NUP37: variants seen among roughly 807,000 people sequenced by gnomAD.
NUP37 encodes nucleoporin Nup37.
Under a neutral mutation model 45.4 loss-of-function variants are expected in NUP37, and 33 were observed. That is an observed-to-expected ratio of 0.73 (90% CI 0.55 to 0.97). NUP37 has a LOEUF of 0.97. Ranked by LOEUF, NUP37 falls within the 50% of genes least tolerant of loss-of-function variation. NUP37 has a pLI of 0.00. For missense variants in NUP37, 365 were observed against 389.7 expected (o/e 0.94, Z 0.53); for synonymous variants, 127 against 130.7 (o/e 0.97, Z 0.19).
rs756251468 is a variant in NUP37 at position 102,078,432 on chromosome 12, TTTAAG to T, written c.541-934_541-930del. Reference sequence around the variant, plus strand: ...ACAATTCCTTCTGGGAAAAGTTACTTTTAAGTTATGTTAGTTATATTGTCTAGAAA... The same window carrying T: ...ACAATTCCTTCTGGGAAAAGTTACTTTTATGTTAGTTATATTGTCTAGAAA... On this transcript the variant is annotated intron_variant, in intron 6 of 9. Transcript: ENST00000552283. Among the ~76,000 whole-genome samples the T allele has an allele frequency of 2.2e-3, 332 of 152,334 alleles. 2 individuals carry two copies. Among genetic ancestry groups the T allele is most frequent in the Non-Finnish European group, 3.9e-3 (262 of 68,028 alleles).
chr12:102,074,854 G>C (rs369240438), intron 9 of NUP37, 147 bp downstream of exon 9: 31 of 460,806 alleles, frequency 6.7e-5, no homozygotes, highest in African/African-American at 5.3e-4. Flanking sequence ...AAAAACAAAT[G>C]AACCACCTTT....
chr12:102,076,812 C>T lies in NUP37; in HGVS notation c.758G>A (p.Arg253Gln), dbSNP rs761810674. The part of the protein sequence containing the change: ...PQNKRPVHMD[R>Q]ACLFRWSTIS... ...GGTACATTACCTGAATAAGCAGGCT[C>T]GATCCATGTGAACAGGTCTCTTATT... Residue 253 changes from arginine to glutamine, a missense_variant, in exon 8 of 10, where the codon CGA becomes CAA. Physicochemically the swap from Arg to Gln is conservative, Grantham distance 43. Coordinates refer to ENST00000552283, the MANE Select transcript of NUP37 (RefSeq NM_024057.4). 12 of 1,613,332 alleles carry T rather than the reference C, an allele frequency of 7.4e-6. No homozygotes were observed. The highest frequency in any genetic ancestry group is 1.6e-4 in the Middle Eastern group (1 of 6,082).
In NUP37 at chr12:102,118,594, G is replaced by C. The variant is rs1880561006; in HGVS notation, c.-65-11C>G. On this transcript the variant is annotated splice_polypyrimidine_tract_variant and intron_variant, in intron 1 of 9. Transcript: ENST00000552283. The stretch of plus-strand genomic sequence containing the variant: ...GACAAGGTCACGAAACTGTGGATTA[G>C]AGCACAGGTACAATTACAATGGTCA... The C allele has an allele frequency of 7.6e-7, 1 of 1,316,324 alleles. No homozygotes were observed. Among genetic ancestry groups the C allele is most frequent in the Admixed American group, 2.2e-5 (1 of 46,132 alleles). 81.5% of individuals were successfully genotyped at this position (1,316,324 alleles called of 1,614,324 possible). A position where few individuals can be genotyped will look rare whatever the true frequency, so the allele number is the denominator to read the frequency against.
At position 102,120,079 on chromosome 12, in the gene NUP37, G is replaced by A. The variant is rs1215289882; in HGVS notation, c.-95C>T. 1.9e-5 allele frequency: 3 copies of A among 159,808 alleles called. No homozygotes were observed. The highest frequency in any genetic ancestry group is 6.3e-5 in the Admixed American group (1 of 15,850). 9.9% of individuals were successfully genotyped at this position (159,808 alleles called of 1,614,324 possible). A position where few individuals can be genotyped will look rare whatever the true frequency, so the allele number is the denominator to read the frequency against. ...GAGCGCCAGGAACCGACCAGAGGCAGGCTGGTCTTCCTTGGGGGCTGCCGC... is the reference window on the plus strand; with the variant it reads ...GAGCGCCAGGAACCGACCAGAGGCAAGCTGGTCTTCCTTGGGGGCTGCCGC... On this transcript the variant is annotated 5_prime_UTR_variant, in exon 1 of 10. Coordinates refer to ENST00000552283, the MANE Select transcript of NUP37 (RefSeq NM_024057.4).
At chr12:102,091,693 T>C (rs1461837284) in intron 5 of NUP37, among the ~76,000 whole-genome samples, 2 of 152,056 alleles carry the variant, frequency 1.3e-5, no homozygotes, top group African/African-American at 2.4e-5. Context: ...GGGCACTGGG[T>C]AAGTAAAGCA....
intron 2 of NUP37, among the ~76,000 whole-genome samples, chr12:102,115,631 A>G (rs979865195): frequency 6.6e-6 from 1 of 152,226 alleles, no homozygotes; most frequent in Non-Finnish European, 1.5e-5. Context: ...ACCAGTTAAC[A>G]GTACTATCAT....
chr12:102,114,579 A>G (rs761490591), intron 2 of NUP37, among the ~76,000 whole-genome samples: 2 of 152,224 alleles, frequency 1.3e-5, no homozygotes, highest in Non-Finnish European at 2.9e-5. Flanking sequence ...AGGTTTCGGC[A>G]TATTTGAGGT....
At chr12:102,076,765 A>C (rs1315143539) in intron 8 of NUP37, 32 bp downstream of exon 8, 1 of 1,601,666 alleles carries the variant, frequency 6.2e-7, no homozygotes, top group Non-Finnish European at 8.5e-7. Flanking sequence ...TCAAAAGATC[A>C]AATCACAGCT....
At chr12:102,118,317 T>C (rs767114782) in intron 2 of NUP37, 46 bp downstream of exon 2, 3 of 1,530,592 alleles carry the variant, frequency 2.0e-6, no homozygotes, top group Non-Finnish European at 2.7e-6. Context: ...GTTCTCTTAG[T>C]AGTGAAATAT....
intron 3 of NUP37, among the ~76,000 whole-genome samples, chr12:102,108,428 T>C (rs978009437): frequency 5.9e-5 from 9 of 152,216 alleles, no homozygotes; most frequent in African/African-American, 2.2e-4. Context: ...GGCTGCAATG[T>C]TGGCTTTCCT....
chr12:102,092,359 T>A (rs768695238), intron 5 of NUP37, among the ~76,000 whole-genome samples: 1 of 152,052 alleles, frequency 6.6e-6, no homozygotes, highest in Non-Finnish European at 1.5e-5. Flanking sequence ...ATTAATTAAG[T>A]AAGAAAGAAA....
chr12:102,118,245 T>C (rs1253126168), intron 2 of NUP37, 118 bp downstream of exon 2: 2 of 1,009,532 alleles, frequency 2.0e-6, no homozygotes, highest in African/African-American at 1.6e-5. Flanking sequence ...ATGGATCTTA[T>C]CTTTTTTTTT....
Position 102,078,326 on chromosome 12 carries a change from T to TA in NUP37, c.541-824_541-823insT, listed in dbSNP as rs1166453580. ...GGGCAACAAGAGCGAAATTCCTTCT[T>TA]TAAAAAAAAAAAAAAGATTTTGAGA... is the stretch of plus-strand genomic sequence containing the variant. On this transcript the variant is annotated intron_variant, in intron 6 of 9. Transcript: ENST00000552283. Among the ~76,000 whole-genome samples the TA allele has an allele frequency of 9.0e-3, 752 of 83,932 alleles. 4 individuals carry two copies. Among genetic ancestry groups the TA allele is most frequent in the Middle Eastern group, 0.022 (4 of 184 alleles). The allele number at this position is 83,932 out of a possible 152,430, so 55.1% of individuals were successfully genotyped here. A position where few individuals can be genotyped will look rare whatever the true frequency, so the allele number is the denominator to read the frequency against.
rs1879905971 is a variant in NUP37 at position 102,099,323 on chromosome 12, C to T, written c.355-123G>A. The T allele has an allele frequency of 8.8e-6, 6 of 679,332 alleles. No individual in the cohort carries two copies. The South Asian group carries it at 1.1e-4, about 12-fold the overall frequency. 42.1% of individuals were successfully genotyped at this position (679,332 alleles called of 1,614,324 possible). A position where few individuals can be genotyped will look rare whatever the true frequency, so the allele number is the denominator to read the frequency against. The stretch of plus-strand genomic sequence containing the variant: ...ACTGCCTGTTTTTCTATAAATATTT[C>T]TTAAGCAATCCGCTATTTTTAAAGC... On this transcript the variant is annotated intron_variant, in intron 4 of 9. Coordinates refer to ENST00000552283, the MANE Select transcript of NUP37 (RefSeq NM_024057.4).
chr12:102,085,077 C>T (rs887794826), intron 6 of NUP37, among the ~76,000 whole-genome samples: 1 of 152,070 alleles, frequency 6.6e-6, no homozygotes, highest in Non-Finnish European at 1.5e-5. Flanking sequence ...GGCTCACAAG[C>T]GTGGATGATG....
intron 5 of NUP37, among the ~76,000 whole-genome samples, chr12:102,090,472 G>A (rs1193320456): frequency 6.6e-6 from 1 of 152,098 alleles, no homozygotes; most frequent in African/African-American, 2.4e-5. Flanking sequence ...CAAACCACTG[G>A]TTGTATGGGA....
At chr12:102,083,294 T>A (rs796096731) in intron 6 of NUP37, among the ~76,000 whole-genome samples, 1 of 152,260 alleles carries the variant, frequency 6.6e-6, no homozygotes, top group African/African-American at 2.4e-5. Context: ...GGGAGAAATG[T>A]AGGCATAAAA....
chr12:102,094,965 G>A (rs560795229), intron 5 of NUP37, among the ~76,000 whole-genome samples: 1 of 152,064 alleles, frequency 6.6e-6, no homozygotes, highest in Non-Finnish European at 1.5e-5. Flanking sequence ...ATGAGGAGGA[G>A]GGATGGGATT....
chr12:102,100,376 T>C (rs1879936236), intron 4 of NUP37, among the ~76,000 whole-genome samples: 1 of 152,208 alleles, frequency 6.6e-6, no homozygotes, highest in Admixed American at 6.5e-5. Flanking sequence ...GAAAACATGA[T>C]GCAATTTTGA....
Sources: gnomAD v4.1 joint callset for allele counts (sites outside exome capture counted in the v4.1 genomes callset) on GRCh38, gnomAD v4.1.1 for gene constraint, MANE v1.5 for transcripts, NCBI Gene and HGNC (gene_info 2026-07-23, HGNC 2026-07-21) for gene names.